The following MYBL1 variants were observed in gnomAD, a reference collection of about 807,000 sequenced individuals.
MYBL1 encodes MYB proto-oncogene like 1.
A neutral mutation model predicts 96.3 loss-of-function variants in MYBL1; 17 were observed. The observed-to-expected ratio is 0.18, with a 90% confidence interval of 0.12 to 0.26. The LOEUF (loss-of-function observed/expected upper bound fraction) is 0.26. MYBL1 is among the 10% of genes least tolerant of loss of function. MYBL1 has a pLI of 1.00. For missense variants in MYBL1, 701 were observed against 882.9 expected (o/e 0.79, Z 2.61); for synonymous variants, 282 against 292.7 (o/e 0.96, Z 0.37).
intron 1 of MYBL1, among the ~76,000 whole-genome samples, chr8:66,603,964 TG>T (rs1333719271): frequency 7.1e-6 from 1 of 141,654 alleles, no homozygotes; most frequent in Non-Finnish European, 1.5e-5. Flanking sequence ...ACAATTCATA[TG>T]AAAAAAAAAA....
At chr8:66,579,990 C>T in intron 9 of MYBL1, 143 bp downstream of exon 9, 1 of 600,596 alleles carries the variant, frequency 1.7e-6, no homozygotes, top group Non-Finnish European at 2.8e-6. Context: ...CTTTTTTCCC[C>T]TAGAAGCCAC....
At chr8:66,575,512 C>T (rs968667949) in intron 10 of MYBL1, among the ~76,000 whole-genome samples, 3 of 151,942 alleles carry the variant, frequency 2.0e-5, no homozygotes, top group East Asian at 1.9e-4. Flanking sequence ...CATGTAGAAC[C>T]GGGAGCAGTG....
chr8:66,577,925 C>T (rs1042156376), intron 9 of MYBL1, among the ~76,000 whole-genome samples: 4 of 152,088 alleles, frequency 2.6e-5, no homozygotes, highest in Admixed American at 6.6e-5. Context: ...AATAATGCCG[C>T]GTTATCTACA....
intron 8 of MYBL1, among the ~76,000 whole-genome samples, chr8:66,582,488 T>C (rs1240972785): frequency 8.1e-6 from 1 of 124,006 alleles, no homozygotes; most frequent in Admixed American, 1.1e-4. Context: ...GAGGCCAAGG[T>C]GGGCTCAGGA....
At chr8:66,571,201 T>C (rs180701400) in intron 12 of MYBL1, among the ~76,000 whole-genome samples, 1 of 152,300 alleles carries the variant, frequency 6.6e-6, no homozygotes, top group Non-Finnish European at 1.5e-5. Context: ...CCCATCACTG[T>C]TCCAAGGTAT....
intron 9 of MYBL1, among the ~76,000 whole-genome samples, chr8:66,577,061 A>C (rs1007783841): frequency 3.3e-5 from 5 of 152,232 alleles, no homozygotes; most frequent in South Asian, 2.1e-4. Flanking sequence ...TAAATTAGGT[A>C]TTGATGGGAC....
At chr8:66,579,254 AT>A (rs963858365) in intron 9 of MYBL1, among the ~76,000 whole-genome samples, 2 of 150,274 alleles carry the variant, frequency 1.3e-5, no homozygotes, top group Non-Finnish European at 3.0e-5. Flanking sequence ...TTAAAAAAAA[AT>A]TTTTTTTAAA....
chr8:66,573,462 A>T lies in MYBL1; in HGVS notation c.1515T>A (p.Asn505Lys). 1 of 1,611,614 alleles carries T rather than the reference A, an allele frequency of 6.2e-7. No homozygotes were observed. Among genetic ancestry groups the T allele is most frequent in the Non-Finnish European group, 8.5e-7 (1 of 1,178,884 alleles). ...AAATAGGGGTTGATGTAAATGAAGG[A>T]TTTTCTATATTAAGTTGTTCATTAC... ...CPGNEQLNIE[N>K]PSFTSTPICG... Residue 505 changes from asparagine (N) to lysine (K), a missense_variant, in exon 11 of 16, where the codon AAT (asparagine) becomes AAA (lysine). Transcript: ENST00000522677.
intron 2 of MYBL1, 89 bp downstream of exon 2, chr8:66,602,329 G>A: frequency 2.4e-6 from 2 of 830,894 alleles, no homozygotes; most frequent in Non-Finnish European, 3.5e-6. Flanking sequence ...GGGATTACAG[G>A]CGTGAGCCAC....
Position 66,562,716 on chromosome 8 carries a change from A to C in MYBL1, c.*1981T>G, listed in dbSNP as rs775398307. On this transcript the variant is annotated 3_prime_UTR_variant, in exon 16 of 16. Coordinates refer to ENST00000522677, the MANE Select transcript of MYBL1 (RefSeq NM_001080416.4). ...CAACAAAAAACCATTATGTGCTATT[A>C]GTTCAAGGTAACTGAAATGATCCAG... 6.6e-6 allele frequency: 1 copy of C among 152,528 alleles called. No individual in the cohort carries two copies. The allele number at this position is 152,528 out of a possible 1,614,324, so 9.4% of individuals were successfully genotyped here. A position where few individuals can be genotyped will look rare whatever the true frequency, so the allele number is the denominator to read the frequency against.
At chr8:66,592,126 C>T (rs1000015223) in intron 8 of MYBL1, among the ~76,000 whole-genome samples, 3 of 151,822 alleles carry the variant, frequency 2.0e-5, no homozygotes, top group Admixed American at 1.3e-4. Flanking sequence ...AATTGTCAGG[C>T]ATGGTGGCAG....
rs745772329 is a variant in MYBL1, at chr8:66,595,651, G to T, written c.619C>A (p.Leu207Ile). 1.3e-5 allele frequency: 21 copies of T among 1,590,568 alleles called. No homozygotes were observed. Among genetic ancestry groups the T allele is most frequent in the Non-Finnish European group, 1.5e-5 (17 of 1,167,320 alleles). The part of the protein sequence containing the change: ...GIKSERSSSK[L>I]QHKPCAAMDH... ...ATAGCTGCACAAGGTTTGTGTTGAA[G>T]TTTAGATGAAGATCGTTCTGATTTT... Residue 207 changes from leucine (L) to isoleucine (I), a missense_variant, in exon 6 of 16, where the codon CTT becomes ATT. Physicochemically the swap from Leu to Ile is conservative, Grantham distance 5. Transcript: ENST00000522677.
chr8:66,611,729 T>C (rs1231863041), intron 1 of MYBL1, among the ~76,000 whole-genome samples: 1 of 152,212 alleles, frequency 6.6e-6, no homozygotes, highest in Non-Finnish European at 1.5e-5. Context: ...TGCAGAAGCA[T>C]CCTGCACACA....
chr8:66,575,882 G>A (rs1808918243), intron 10 of MYBL1, 125 bp downstream of exon 10: 1 of 902,146 alleles, frequency 1.1e-6, no homozygotes, highest in Non-Finnish European at 1.6e-6. Context: ...GTATTCTCAA[G>A]TATACATTTA....
chr8:66,575,795 T>TATAA (rs371428727), intron 10 of MYBL1, among the ~76,000 whole-genome samples: 3,063 of 151,952 alleles, frequency 0.02, 38 homozygotes, highest in Non-Finnish European at 0.029. Flanking sequence ...GTCTCCAAAA[T>TATAA]ATAAATAAAT....
Position 66,597,392 on chromosome 8 carries a change from G to A in MYBL1, c.450C>T (p.Ile150=), listed in dbSNP as rs1809894563. The A allele has an allele frequency of 6.2e-7, 1 of 1,612,444 alleles. No homozygotes were observed. The highest frequency in any genetic ancestry group is 8.5e-7 in the Non-Finnish European group (1 of 1,179,264). The part of the protein sequence containing the change: ...SSWTEEEDRI[I]YEAHKRLGNR... ...TTCCCAACCGCTTATGTGCTTCATA[G>A]ATGATCCTGTCCTCCTCTTCTGTCC... The change falls in exon 5 of 16, where the codon ATC becomes ATT. Residue 150 remains isoleucine, a synonymous_variant. Coordinates refer to ENST00000522677, the MANE Select transcript of MYBL1 (RefSeq NM_001080416.4).
intron 8 of MYBL1, among the ~76,000 whole-genome samples, chr8:66,586,021 G>T (rs1409916707): frequency 6.8e-6 from 1 of 148,128 alleles, no homozygotes; most frequent in Non-Finnish European, 1.5e-5. Flanking sequence ...TAATAATCTG[G>T]TTTGGGTTTT....
chr8:66,594,486 T>C (rs1380502359), intron 6 of MYBL1, among the ~76,000 whole-genome samples: 2 of 152,172 alleles, frequency 1.3e-5, no homozygotes, highest in African/African-American at 4.8e-5. Context: ...GTATAAGAAA[T>C]ATCCTCATCT....
At chr8:66,593,327 G>C (rs1809725370) in intron 6 of MYBL1, 133 bp from the exon 7 acceptor site, 2 of 538,798 alleles carry the variant, frequency 3.7e-6, no homozygotes, top group African/African-American at 1.9e-5. Flanking sequence ...ATTTTGAAAT[G>C]TTATACCTAT....
Sources: allele counts gnomAD v4.1 joint callset (sites outside exome capture counted in the v4.1 genomes callset), GRCh38; gene constraint gnomAD v4.1.1; transcripts MANE v1.5; gene names NCBI Gene and HGNC (gene_info 2026-07-23, HGNC 2026-07-21).